The following ZFHX3 variants were observed in gnomAD, a reference collection of about 807,000 sequenced individuals.
ZFHX3 encodes zinc finger homeobox 3.
ZFHX3 carries 42 observed loss-of-function variants against 279.1 expected under a neutral mutation model. The observed-to-expected ratio is 0.15, with a 90% CI of 0.12 to 0.19. The LOEUF is 0.19. ZFHX3 is among the 10% of genes least tolerant of loss of function. The probability of loss-of-function intolerance (pLI) is 1.00; values close to 1 mark genes in which losing one functional copy is unlikely to be tolerated. For synonymous variants in ZFHX3, 2,293 were observed against 1,957.8 expected (o/e 1.17, Z -4.52); for missense variants, 4,981 against 4,754.0 (o/e 1.05, Z -1.40).
At chr16:73,119,383 A>T (rs1966469478) in intron 7 of ZFHX3, among the ~76,000 whole-genome samples, 1 of 152,182 alleles carries the variant, frequency 6.6e-6, no homozygotes, top group South Asian at 2.1e-4. Flanking sequence ...CTGGGATTAC[A>T]GGTGTGAGTC....
chr16:73,159,831 C>T (rs918440671), intron 5 of ZFHX3, among the ~76,000 whole-genome samples: 1 of 152,194 alleles, frequency 6.6e-6, no homozygotes, highest in Non-Finnish European at 1.5e-5. Flanking sequence ...GGCATGATCT[C>T]GGCTCATTGC....
At chr16:73,476,066 A>C (rs1274952246) in intron 2 of ZFHX3, among the ~76,000 whole-genome samples, 2 of 152,098 alleles carry the variant, frequency 1.3e-5, no homozygotes, top group Non-Finnish European at 2.9e-5. Flanking sequence ...TCAACTTTTA[A>C]TTTGTTCGGT....
intron 1 of ZFHX3, among the ~76,000 whole-genome samples, chr16:72,999,722 G>A (rs1963425950): frequency 6.6e-6 from 1 of 151,852 alleles, no homozygotes; most frequent in African/African-American, 2.4e-5. Flanking sequence ...AGCGTGGGCA[G>A]GGGTCTCACC....
At chr16:73,059,562 C>CTCTCTCTCTCTG (rs1965654903) in exon 1 of ZFHX3, 1 of 137,778 alleles carries the variant, frequency 7.3e-6, no homozygotes, top group South Asian at 2.3e-4. Flanking sequence ...CTCTCTCTCT[C>CTCTCTCTCTCTG]TAAGCAAACG....
chr16:73,432,272 T>C (rs928897372), intron 3 of ZFHX3, among the ~76,000 whole-genome samples: 2 of 152,104 alleles, frequency 1.3e-5, no homozygotes, highest in African/African-American at 2.4e-5. Context: ...CTCTCTCTCA[T>C]ACATCCAAGA....
chr16:73,591,566 A>AC (rs1267331075), intron 2 of ZFHX3, among the ~76,000 whole-genome samples: 1 of 146,902 alleles, frequency 6.8e-6, no homozygotes, highest in Non-Finnish European at 1.5e-5. Flanking sequence ...GGTGGCGGGC[A>AC]CCTGTAGTCC....
chr16:73,821,305 G>A (rs1597131080), intron 1 of ZFHX3, among the ~76,000 whole-genome samples: 1 of 152,212 alleles, frequency 6.6e-6, no homozygotes, highest in Non-Finnish European at 1.5e-5. Context: ...CTGCTTTGAG[G>A]AATGTGGTCG....
At chr16:73,173,008 GTTTTTTTTTTTTT>G (rs869289153) in intron 5 of ZFHX3, among the ~76,000 whole-genome samples, 1 of 49,948 alleles carries the variant, frequency 2.0e-5, no homozygotes, top group African/African-American at 9.3e-5. Flanking sequence ...TTTTTTTTTT[GTTTTTTTTTTTTT>G]TTTTTGGGAG....
intron 1 of ZFHX3, among the ~76,000 whole-genome samples, chr16:73,039,399 G>A (rs1198505235): frequency 6.6e-6 from 1 of 152,188 alleles, no homozygotes; most frequent in African/African-American, 2.4e-5. Flanking sequence ...GGAGTGGCCG[G>A]GAACCTGCCA....
At chr16:73,881,180 T>C (rs1178694247) in intron 1 of ZFHX3, among the ~76,000 whole-genome samples, 5 of 152,152 alleles carry the variant, frequency 3.3e-5, no homozygotes, top group African/African-American at 1.2e-4. Context: ...TCTGTATTTT[T>C]AAAGAAACTC....
At chr16:72,874,835 T>C (rs1310590148) in intron 4 of ZFHX3, among the ~76,000 whole-genome samples, 2 of 152,226 alleles carry the variant, frequency 1.3e-5, no homozygotes, top group Non-Finnish European at 2.9e-5. Flanking sequence ...TTCTGTGATC[T>C]ATAGCTGAGT....
chr16:73,627,392 A>C (rs1360987192), intron 2 of ZFHX3, among the ~76,000 whole-genome samples: 1 of 152,218 alleles, frequency 6.6e-6, no homozygotes, highest in Non-Finnish European at 1.5e-5. Context: ...ATATAGTGGA[A>C]GTGAATATCC....
chr16:73,487,479 C>T, intron 2 of ZFHX3: 1 of 438,300 alleles, frequency 2.3e-6, no homozygotes, highest in Non-Finnish European at 4.5e-6. Context: ...TGGCTCCTTG[C>T]AGCCTCAGTC....
chr16:73,056,366 A>C (rs1159644730), intron 1 of ZFHX3, among the ~76,000 whole-genome samples: 1 of 151,774 alleles, frequency 6.6e-6, no homozygotes, highest in Non-Finnish European at 1.5e-5. Context: ...TCTCTAATAT[A>C]CCTGCACTAG....
intron 2 of ZFHX3, among the ~76,000 whole-genome samples, chr16:73,635,933 G>A (rs1037697732): frequency 2.0e-5 from 3 of 152,094 alleles, no homozygotes; most frequent in Non-Finnish European, 4.4e-5. Flanking sequence ...TTGGCTTCAG[G>A]CCTTAGTGTG....
chr16:73,067,235 C>G (rs890008069), intron 8 of ZFHX3, among the ~76,000 whole-genome samples: 7 of 152,234 alleles, frequency 4.6e-5, no homozygotes, highest in African/African-American at 7.2e-5. Flanking sequence ...GCCGACCCCT[C>G]TTTCCGCAGC....
intron 4 of ZFHX3, among the ~76,000 whole-genome samples, chr16:72,879,231 C>T (rs1327441755): frequency 1.3e-5 from 2 of 152,180 alleles, no homozygotes; most frequent in African/African-American, 4.8e-5. Flanking sequence ...TCAGGTACTT[C>T]GAGCAACTGA....
At chr16:73,296,327 C>T (rs35986269) in intron 4 of ZFHX3, among the ~76,000 whole-genome samples, 8,047 of 152,076 alleles carry the variant, frequency 0.053, 372 homozygotes, top group African/African-American at 0.13. Flanking sequence ...AAGAAAATGG[C>T]AGAAATAAAT....
chr16:73,528,422 A>G (rs2019732533), intron 2 of ZFHX3, among the ~76,000 whole-genome samples: 1 of 152,230 alleles, frequency 6.6e-6, no homozygotes, highest in Non-Finnish European at 1.5e-5. Flanking sequence ...TGCTTTCAAC[A>G]ACTATTTATT....
Sources: gnomAD v4.1 joint callset for allele counts (sites outside exome capture counted in the v4.1 genomes callset) on GRCh38, gnomAD v4.1.1 for gene constraint, MANE v1.5 for transcripts, NCBI Gene and HGNC (gene_info 2026-07-23, HGNC 2026-07-21) for gene names.